The following ZNF536 variants were observed in gnomAD, a reference collection of about 807,000 sequenced individuals.
The protein encoded by ZNF536 is zinc finger protein 536.
A neutral mutation model predicts 84.5 loss-of-function variants in ZNF536; 13 were observed. The observed-to-expected ratio is 0.15, with a 90% CI of 0.10 to 0.24. ZNF536 has a LOEUF of 0.24. ZNF536 is among the 10% of genes least tolerant of loss of function. The pLI is 1.00. For synonymous variants in ZNF536, 811 were observed against 742.5 expected (o/e 1.09, Z -1.50); for missense variants, 1,536 against 1,747.5 (o/e 0.88, Z 2.16).
intron 1 of ZNF536, among the ~76,000 whole-genome samples, chr19:30,442,402 T>TA (rs1816022001): frequency 6.6e-6 from 1 of 152,228 alleles, no homozygotes; most frequent in Non-Finnish European, 1.5e-5. Flanking sequence ...GCAAAACACA[T>TA]ACTGCAGGTA....
At chr19:30,280,296 T>G (rs915153435) in intron 1 of ZNF536, among the ~76,000 whole-genome samples, 1 of 151,864 alleles carries the variant, frequency 6.6e-6, no homozygotes, top group Non-Finnish European at 1.5e-5. Flanking sequence ...GCATCCATCT[T>G]CATCCTTCTC....
At chr19:30,276,249 C>T (rs184414321) in intron 1 of ZNF536, among the ~76,000 whole-genome samples, 9 of 152,120 alleles carry the variant, frequency 5.9e-5, no homozygotes, top group East Asian at 1.9e-4. Flanking sequence ...TGAGAGGTGA[C>T]GGTTTCCAAA....
intron 1 of ZNF536, among the ~76,000 whole-genome samples, chr19:30,621,446 G>C (rs546538195): frequency 3.3e-5 from 5 of 152,072 alleles, no homozygotes; most frequent in South Asian, 2.1e-4. Context: ...TCAGTGGGGG[G>C]ACTCAGAGGC....
chr19:30,438,221 G>A (rs1031562773), intron 1 of ZNF536, among the ~76,000 whole-genome samples: 8 of 152,126 alleles, frequency 5.3e-5, no homozygotes, highest in Middle Eastern at 3.4e-3. Context: ...TACCCTATAG[G>A]TAATTTTATC....
intron 3 of ZNF536, 29 bp from the exon 4 acceptor site, chr19:30,547,914 C>T: frequency 1.3e-6 from 2 of 1,512,666 alleles, no homozygotes; most frequent in Non-Finnish European, 1.8e-6. Context: ...ATAAACGCCT[C>T]TTTTTTTTCT....
chr19:30,414,820 A>C (rs1327079867), intron 1 of ZNF536, among the ~76,000 whole-genome samples: 1 of 152,166 alleles, frequency 6.6e-6, no homozygotes, highest in Non-Finnish European at 1.5e-5. Flanking sequence ...AGTGAGTCTG[A>C]GTCCTTTTTT....
At chr19:30,292,010 G>A (rs1208315311) in intron 2 of ZNF536, among the ~76,000 whole-genome samples, 1 of 152,218 alleles carries the variant, frequency 6.6e-6, no homozygotes, top group African/African-American at 2.4e-5. Flanking sequence ...CACTACAAAG[G>A]CAGAGTTGGG....
At position 30,645,990 on chromosome 19, in the gene ZNF536, A is replaced by G. The variant is rs149798132; in HGVS notation, c.170-64767A>G. On this transcript the variant is annotated intron_variant, in intron 1 of 1. Transcript: ENST00000592773. Reference sequence around the variant, plus strand: ...TTTGGGTTGGAGCCCTGAGGACAGCAGGTCTCAGATCTAGTCACCGTCTTC... The same window carrying G: ...TTTGGGTTGGAGCCCTGAGGACAGCGGGTCTCAGATCTAGTCACCGTCTTC... 3.4e-3 allele frequency among the ~76,000 whole-genome samples: 522 copies of G among 152,080 alleles called. 3 individuals carry two copies. Among genetic ancestry groups the G allele is most frequent in the African/African-American group, 0.012 (501 of 41,492 alleles).
chr19:30,485,005 G>A (rs920596519), intron 2 of ZNF536, among the ~76,000 whole-genome samples: 12 of 151,896 alleles, frequency 7.9e-5, no homozygotes, highest in Admixed American at 2.6e-4. Context: ...TTAGTCGGGC[G>A]TGGTGGCAGG....
intron 2 of ZNF536, among the ~76,000 whole-genome samples, chr19:30,533,878 C>G (rs2044961919): frequency 2.0e-5 from 3 of 152,220 alleles, no homozygotes; most frequent in Non-Finnish European, 4.4e-5. Flanking sequence ...AAAAGTGAGC[C>G]CAGAGAAGGT....
chr19:30,434,670 G>A (rs891902536), intron 1 of ZNF536, among the ~76,000 whole-genome samples: 4 of 152,192 alleles, frequency 2.6e-5, no homozygotes, highest in Admixed American at 6.5e-5. Flanking sequence ...TATTTTGATG[G>A]AGAGGAGGAA....
chr19:30,524,594 G>A (rs1056171868), intron 2 of ZNF536, among the ~76,000 whole-genome samples: 4 of 152,154 alleles, frequency 2.6e-5, no homozygotes, highest in African/African-American at 4.8e-5. Flanking sequence ...ACTCAACTCC[G>A]CAAGTTATAG....
intron 1 of ZNF536, among the ~76,000 whole-genome samples, chr19:30,401,364 A>G (rs1228084838): frequency 6.6e-6 from 1 of 152,204 alleles, no homozygotes; most frequent in South Asian, 2.1e-4. Flanking sequence ...AGAATAAGAA[A>G]GAAGGACTTC....
intron 2 of ZNF536, among the ~76,000 whole-genome samples, chr19:30,340,350 C>T (rs1023767555): frequency 4.6e-5 from 7 of 152,152 alleles, no homozygotes; most frequent in African/African-American, 1.4e-4. Flanking sequence ...GTCAGTCAGT[C>T]GGGTCCCGGA....
intron 3 of ZNF536, among the ~76,000 whole-genome samples, chr19:30,544,379 T>A (rs1165763350): frequency 6.6e-6 from 1 of 152,200 alleles, no homozygotes; most frequent in Non-Finnish European, 1.5e-5. Flanking sequence ...TCACCAGGCC[T>A]GGGCCCGTGG....
At chr19:30,449,095 AG>A (rs1479884479) in intron 2 of ZNF536, among the ~76,000 whole-genome samples, 7 of 152,324 alleles carry the variant, frequency 4.6e-5, no homozygotes, top group African/African-American at 1.7e-4. Context: ...ACAAATTGAG[AG>A]GTCATATTTT....
At chr19:30,447,087 C>G (rs2060676875) in intron 2 of ZNF536, among the ~76,000 whole-genome samples, 1 of 152,240 alleles carries the variant, frequency 6.6e-6, no homozygotes, top group Non-Finnish European at 1.5e-5. Flanking sequence ...GCCATTAAGT[C>G]TAGAAAATGA....
At chr19:30,490,342 T>C (rs1174286522) in intron 2 of ZNF536, among the ~76,000 whole-genome samples, 1 of 152,220 alleles carries the variant, frequency 6.6e-6, no homozygotes, top group Non-Finnish European at 1.5e-5. Flanking sequence ...GAGTCATACA[T>C]ATTCAAAATG....
intron 1 of ZNF536, among the ~76,000 whole-genome samples, chr19:30,233,829 A>C (rs1435399918): frequency 6.6e-6 from 1 of 152,154 alleles, no homozygotes; most frequent in African/African-American, 2.4e-5. Context: ...TGCTTAGCTC[A>C]TCTACTGCTG....
Sources: allele counts gnomAD v4.1 joint callset (sites outside exome capture counted in the v4.1 genomes callset), GRCh38; gene constraint gnomAD v4.1.1; transcripts MANE v1.5; gene names NCBI Gene and HGNC (gene_info 2026-07-23, HGNC 2026-07-21).